ARHGAP24: variants seen among roughly 807,000 people sequenced by gnomAD.
The protein encoded by ARHGAP24 is Rho GTPase activating protein 24, also known as rho GTPase-activating protein 24.
A neutral mutation model predicts 76.4 loss-of-function variants in ARHGAP24; 50 were observed. The observed-to-expected ratio is 0.65, with a 90% CI of 0.52 to 0.83. The LOEUF (loss-of-function observed/expected upper bound fraction) is 0.83, where lower values mean the gene tolerates loss of function less well. ARHGAP24 is among the 40% of genes least tolerant of loss of function. ARHGAP24 has a pLI of 0.00. For synonymous variants in ARHGAP24, 345 were observed against 323.3 expected (o/e 1.07, Z -0.72); for missense variants, 930 against 914.2 (o/e 1.02, Z -0.22).
At chr4:85,540,509 A>C (rs181037097) in intron 1 of ARHGAP24, among the ~76,000 whole-genome samples, 3 of 152,196 alleles carry the variant, frequency 2.0e-5, no homozygotes, top group Non-Finnish European at 2.9e-5. Flanking sequence ...GTTTCTATCA[A>C]TTTTATTGGA....
intron 1 of ARHGAP24, among the ~76,000 whole-genome samples, chr4:85,528,777 A>G (rs1480773358): frequency 1.3e-5 from 2 of 152,116 alleles, no homozygotes; most frequent in Admixed American, 1.3e-4. Context: ...TCTCCACGTC[A>G]TGTCCTCTGC....
chr4:85,484,108 A>G (rs985868448), intron 1 of ARHGAP24, among the ~76,000 whole-genome samples: 1 of 151,986 alleles, frequency 6.6e-6, no homozygotes, highest in African/African-American at 2.4e-5. Context: ...TTTTTTCCCT[A>G]TTTTCCTATG....
chr4:85,840,888 C>T (rs984702121), intron 3 of ARHGAP24, among the ~76,000 whole-genome samples: 11 of 152,286 alleles, frequency 7.2e-5, no homozygotes, highest in East Asian at 1.9e-4. Context: ...ATTTATCAGA[C>T]GTGAAACTGC....
intron 3 of ARHGAP24, among the ~76,000 whole-genome samples, chr4:85,786,183 A>C (rs1412063282): frequency 1.3e-5 from 2 of 151,716 alleles, no homozygotes; most frequent in Admixed American, 6.6e-5. Context: ...CTAAGTTAAG[A>C]ACTTATCAAT....
intron 1 of ARHGAP24, among the ~76,000 whole-genome samples, chr4:85,543,345 C>A (rs1354703613): frequency 6.6e-6 from 1 of 152,108 alleles, no homozygotes; most frequent in African/African-American, 2.4e-5. Flanking sequence ...CTGGGAAGAA[C>A]AATGAAGTCA....
chr4:85,722,156 C>A, intron 3 of ARHGAP24, 184 bp downstream of exon 3: 2 of 568,436 alleles, frequency 3.5e-6, no homozygotes, highest in Non-Finnish European at 6.3e-6. Context: ...CACTCACACA[C>A]ACATACTCTG....
At chr4:85,604,993 AG>A (rs1205035790) in intron 2 of ARHGAP24, among the ~76,000 whole-genome samples, 2 of 151,990 alleles carry the variant, frequency 1.3e-5, no homozygotes, top group African/African-American at 4.8e-5. Flanking sequence ...CATAAGCCAC[AG>A]CACTAGGCCT....
At chr4:85,647,728 T>C (rs1342243363) in intron 2 of ARHGAP24, among the ~76,000 whole-genome samples, 1 of 152,124 alleles carries the variant, frequency 6.6e-6, no homozygotes, top group Non-Finnish European at 1.5e-5. Context: ...AGTACTCAAA[T>C]GTCAAACATC....
intron 3 of ARHGAP24, among the ~76,000 whole-genome samples, chr4:85,782,142 T>C (rs7688875): frequency 0.33 from 50,694 of 151,518 alleles, 8,571 homozygotes; most frequent in Middle Eastern, 0.39. Context: ...TATTTTAAAA[T>C]GAAATGTTAT....
intron 3 of ARHGAP24, among the ~76,000 whole-genome samples, chr4:85,828,142 C>T (rs888625422): frequency 3.3e-5 from 5 of 152,148 alleles, no homozygotes; most frequent in African/African-American, 1.2e-4. Flanking sequence ...CAGCTCTCCA[C>T]GGTGTCTACA....
chr4:85,872,182 A>G (rs916783665), intron 3 of ARHGAP24, among the ~76,000 whole-genome samples: 2 of 152,082 alleles, frequency 1.3e-5, no homozygotes, highest in African/African-American at 4.8e-5. Context: ...AAAACTTTTT[A>G]TCTTTCACAA....
At chr4:85,684,803 T>C (rs1436856296) in intron 2 of ARHGAP24, among the ~76,000 whole-genome samples, 7 of 152,184 alleles carry the variant, frequency 4.6e-5, no homozygotes, top group Non-Finnish European at 1.0e-4. Flanking sequence ...CTTAAGATTC[T>C]TAGAGCCTCT....
intron 3 of ARHGAP24, among the ~76,000 whole-genome samples, chr4:85,864,869 G>A (rs963061661): frequency 6.6e-6 from 1 of 151,952 alleles, no homozygotes; most frequent in Non-Finnish European, 1.5e-5. Context: ...CTCTGGCTGA[G>A]GCTTTTCACT....
chr4:85,820,113 C>T (rs1729405961), intron 3 of ARHGAP24, among the ~76,000 whole-genome samples: 1 of 152,108 alleles, frequency 6.6e-6, no homozygotes, highest in South Asian at 2.1e-4. Context: ...TTGCCATTTG[C>T]CCTGGCAATT....
At chr4:85,756,388 C>T (rs1241444295) in intron 3 of ARHGAP24, among the ~76,000 whole-genome samples, 1 of 152,142 alleles carries the variant, frequency 6.6e-6, no homozygotes, top group Non-Finnish European at 1.5e-5. Flanking sequence ...CTTCAAAATG[C>T]TGAAATTCCT....
chr4:85,517,871 T>C (rs574865965), intron 1 of ARHGAP24, among the ~76,000 whole-genome samples: 8 of 152,294 alleles, frequency 5.3e-5, no homozygotes, highest in African/African-American at 1.7e-4. Context: ...GTAATATTTC[T>C]TTAAAACGTA....
At chr4:85,642,893 C>G (rs550295400) in intron 2 of ARHGAP24, among the ~76,000 whole-genome samples, 1 of 152,286 alleles carries the variant, frequency 6.6e-6, no homozygotes, top group Admixed American at 6.5e-5. Flanking sequence ...AAAGTCCCTG[C>G]AGTGGCCTTC....
chr4:85,792,250 A>C (rs900319483), intron 3 of ARHGAP24, among the ~76,000 whole-genome samples: 1 of 152,186 alleles, frequency 6.6e-6, no homozygotes, highest in Non-Finnish European at 1.5e-5. Context: ...TTTAAAAACT[A>C]TATTTCAAAT....
intron 3 of ARHGAP24, among the ~76,000 whole-genome samples, chr4:85,739,561 C>T (rs1725739085): frequency 6.6e-6 from 1 of 152,058 alleles, no homozygotes; most frequent in Non-Finnish European, 1.5e-5. Context: ...CTGTGTAAAG[C>T]CTTCAACAGC....
Sources: allele counts gnomAD v4.1 joint callset (sites outside exome capture counted in the v4.1 genomes callset), GRCh38; gene constraint gnomAD v4.1.1; transcripts MANE v1.5; gene names NCBI Gene and HGNC (gene_info 2026-07-23, HGNC 2026-07-21).